Variants in NDST4 observed in about 807,000 individuals in gnomAD.
NDST4 encodes N-heparan sulfate sulfotransferase 4.
NDST4 carries 63 observed loss-of-function variants against 100.8 expected under a neutral mutation model. That is an observed-to-expected ratio of 0.62 (90% confidence interval 0.51 to 0.77). NDST4 has a LOEUF of 0.77. NDST4 is among the 30% of genes least tolerant of loss of function. The pLI, the probability that NDST4 is intolerant of heterozygous loss-of-function variation, is 0.00. For synonymous variants in NDST4, 377 were observed against 361.8 expected (o/e 1.04, Z -0.48); for missense variants, 943 against 1,018.4 (o/e 0.93, Z 1.01).
chr4:114,855,148 A>G (rs1456280700), intron 7 of NDST4, among the ~76,000 whole-genome samples: 1 of 151,638 alleles, frequency 6.6e-6, no homozygotes, highest in East Asian at 1.9e-4. Context: ...TTTTTCCTAT[A>G]GAGTTGTTTG....
chr4:114,933,735 C>G (rs559932027), intron 6 of NDST4, among the ~76,000 whole-genome samples: 80 of 151,912 alleles, frequency 5.3e-4, no homozygotes, highest in African/African-American at 1.9e-3. Context: ...ATACAAATGC[C>G]CAACAGGTAT....
chr4:114,940,679 C>T (rs1200399752), intron 4 of NDST4, among the ~76,000 whole-genome samples: 4 of 152,138 alleles, frequency 2.6e-5, no homozygotes, highest in East Asian at 1.9e-4. Context: ...CTTTTGCACC[C>T]GCCCTCTTGG....
intron 7 of NDST4, among the ~76,000 whole-genome samples, chr4:114,853,580 T>A (rs1237600564): frequency 6.6e-6 from 1 of 152,218 alleles, no homozygotes; most frequent in Admixed American, 6.5e-5. Flanking sequence ...AAGGATAAAA[T>A]TTTTGAAATA....
At chr4:114,913,301 T>G (rs1725100347) in intron 6 of NDST4, among the ~76,000 whole-genome samples, 1 of 152,090 alleles carries the variant, frequency 6.6e-6, no homozygotes. Context: ...GATTGTAAGC[T>G]ATCTACATTT....
chr4:114,950,621 T>C (rs573977802), intron 4 of NDST4, among the ~76,000 whole-genome samples: 1 of 152,164 alleles, frequency 6.6e-6, no homozygotes, highest in African/African-American at 2.4e-5. Context: ...TACTTCCCAA[T>C]CCATAGACAG....
intron 9 of NDST4, 61 bp downstream of exon 9, chr4:114,848,154 T>C: frequency 1.4e-6 from 2 of 1,396,422 alleles, no homozygotes; most frequent in Non-Finnish European, 1.9e-6. Flanking sequence ...ACATCTGTAA[T>C]TGCTCTGCAG....
chr4:114,936,477 A>G (rs1457702733), intron 5 of NDST4, among the ~76,000 whole-genome samples: 1 of 152,226 alleles, frequency 6.6e-6, no homozygotes, highest in Non-Finnish European at 1.5e-5. Flanking sequence ...GGATTTTAAC[A>G]GCAATATGAA....
chr4:114,896,234 A>G (rs1404567315), intron 6 of NDST4, among the ~76,000 whole-genome samples: 8 of 152,182 alleles, frequency 5.3e-5, no homozygotes, highest in Admixed American at 5.2e-4. Flanking sequence ...AGAGGCTGAA[A>G]AAAGCACATT....
At chr4:114,857,343 A>C (rs182875591) in intron 7 of NDST4, among the ~76,000 whole-genome samples, 1 of 152,290 alleles carries the variant, frequency 6.6e-6, no homozygotes, top group Admixed American at 6.5e-5. Context: ...TGATAGACCC[A>C]TCAAATCATA....
intron 11 of NDST4, among the ~76,000 whole-genome samples, chr4:114,834,115 C>T (rs929874659): frequency 2.6e-5 from 4 of 152,174 alleles, no homozygotes; most frequent in African/African-American, 9.6e-5. Flanking sequence ...AAATGAAAAT[C>T]ACCCATCTAA....
At chr4:114,833,782 T>C in intron 11 of NDST4, 67 bp from the exon 12 acceptor site, 1 of 952,414 alleles carries the variant, frequency 1.0e-6, no homozygotes, top group South Asian at 1.5e-5. Flanking sequence ...GATGCCTTCC[T>C]TTACCTGGTG....
chr4:115,092,099 G>T (rs569917), intron 1 of NDST4, among the ~76,000 whole-genome samples: 114,223 of 152,110 alleles, frequency 0.75, 43,685 homozygotes, highest in African/African-American at 0.88. Context: ...GAAAAGTCCA[G>T]TTTGAAAAGT....
chr4:114,839,757 A>C (rs541104613), intron 10 of NDST4, among the ~76,000 whole-genome samples: 1 of 152,240 alleles, frequency 6.6e-6, no homozygotes, highest in African/African-American at 2.4e-5. Flanking sequence ...AACCGTATAC[A>C]TTGGAATACC....
intron 12 of NDST4, among the ~76,000 whole-genome samples, chr4:114,831,150 T>C (rs1723189135): frequency 1.3e-5 from 2 of 150,312 alleles, no homozygotes; most frequent in Admixed American, 1.3e-4. Flanking sequence ...CTTCCCGGGT[T>C]CACGCCATTC....
chr4:114,852,698 A>G (rs1180637720), intron 8 of NDST4, 27 bp downstream of exon 8: 3 of 1,247,362 alleles, frequency 2.4e-6, no homozygotes, highest in Admixed American at 1.8e-5. Flanking sequence ...TAAAAAGGAT[A>G]TAAGTAGCAC....
chr4:114,881,235 G>A (rs1290129715), intron 6 of NDST4, among the ~76,000 whole-genome samples: 1 of 152,014 alleles, frequency 6.6e-6, no homozygotes, highest in East Asian at 1.9e-4. Flanking sequence ...TGCTGTAGGT[G>A]TATGATTGAG....
At chr4:115,007,612 G>T in intron 2 of NDST4, among the ~76,000 whole-genome samples, 1 of 67,426 alleles carries the variant, frequency 1.5e-5, no homozygotes, top group South Asian at 7.4e-4. Flanking sequence ...ACAACCAAGA[G>T]ATAGAAGGAC....
chr4:115,107,158 C>T (rs1429068088), intron 1 of NDST4, among the ~76,000 whole-genome samples: 1 of 151,872 alleles, frequency 6.6e-6, no homozygotes, highest in African/African-American at 2.4e-5. Flanking sequence ...AAGAGCCTAT[C>T]TCTAAATAAA....
chr4:115,007,429 G>A (rs1727443578), intron 2 of NDST4, among the ~76,000 whole-genome samples: 1 of 152,192 alleles, frequency 6.6e-6, no homozygotes, highest in East Asian at 1.9e-4. Context: ...AAATTTAAGT[G>A]AGAAGCGAAT....
Sources: allele counts gnomAD v4.1 joint callset (sites outside exome capture counted in the v4.1 genomes callset), GRCh38; gene constraint gnomAD v4.1.1; transcripts MANE v1.5; gene names NCBI Gene and HGNC (gene_info 2026-07-23, HGNC 2026-07-21).